The following ASAP2 variants were observed in gnomAD, a reference collection of about 807,000 sequenced individuals.
ASAP2 encodes the protein arf-GAP with SH3 domain, ANK repeat and PH domain-containing protein 2.
Under a neutral mutation model 131.4 loss-of-function variants are expected in ASAP2, and 45 were observed. The ratio of observed to expected loss-of-function variants is 0.34; its 90% CI spans 0.27 to 0.44. The LOEUF is 0.44. Among genes scored for constraint, ASAP2 ranks in the 20% least tolerant of loss-of-function variants. The pLI, the probability that ASAP2 is intolerant of heterozygous loss-of-function variation, is 1.00. For synonymous variants in ASAP2, 510 were observed against 503.0 expected, an observed-to-expected ratio of 1.01 and a Z score of -0.19; for missense variants, 1,011 against 1,297.0, an observed-to-expected ratio of 0.78 and a Z score of 3.39.
At chr2:9,352,229 A>G (rs1209852158) in intron 12 of ASAP2, among the ~76,000 whole-genome samples, 1 of 151,092 alleles carries the variant, frequency 6.6e-6, no homozygotes, top group African/African-American at 2.4e-5. Flanking sequence ...ACACACACAC[A>G]CACACACACA....
chr2:9,334,426 C>T (rs937266554), intron 7 of ASAP2, among the ~76,000 whole-genome samples: 19 of 152,218 alleles, frequency 1.2e-4, no homozygotes, highest in African/African-American at 4.3e-4. Flanking sequence ...TCCACTTGCG[C>T]CCCATGGCCT....
At chr2:9,263,599 C>T (rs935140239) in intron 1 of ASAP2, among the ~76,000 whole-genome samples, 1 of 152,212 alleles carries the variant, frequency 6.6e-6, no homozygotes, top group African/African-American at 2.4e-5. Context: ...CCCATGAAAG[C>T]CATGGGGCGC....
rs1241983991 is a variant in ASAP2, at chr2:9,389,161, C to T, written c.2383+615C>T. On this transcript the variant is annotated intron_variant, in intron 22 of 27. Coordinates refer to ENST00000281419, the MANE Select transcript of ASAP2 (RefSeq NM_003887.3). The surrounding 1 kb of genome is among the most constrained non-coding windows in gnomAD (Gnocchi z 4.7). ...TTTTAGAAATACGCAAACCAAAGCT[C>T]TCAGAAGTTAAGTAATTTGTTCATT... Among the ~76,000 whole-genome samples, 4 of 152,342 alleles carry T rather than the reference C, an allele frequency of 2.6e-5. No homozygotes were observed. In the East Asian group the frequency reaches 7.7e-4, roughly 29 times the overall value.
intron 1 of ASAP2, among the ~76,000 whole-genome samples, chr2:9,250,444 T>C (rs965343797): frequency 5.9e-5 from 9 of 152,188 alleles, no homozygotes; most frequent in Admixed American, 2.6e-4. Flanking sequence ...GGATGCAGGA[T>C]GCCAGACATG....
At chr2:9,297,164 G>C (rs1221610643) in intron 2 of ASAP2, 136 bp from the exon 3 acceptor site, 23 of 1,104,110 alleles carry the variant, frequency 2.1e-5, no homozygotes, top group Non-Finnish European at 2.7e-5. Context: ...AGCTATTTCT[G>C]TTCCTGGTGC....
intron 3 of ASAP2, among the ~76,000 whole-genome samples, chr2:9,317,561 CA>C (rs1669838383): frequency 8.0e-6 from 1 of 125,200 alleles, no homozygotes; most frequent in Non-Finnish European, 1.8e-5. Flanking sequence ...TCCACAATCA[CA>C]CTCTCACACA....
intron 3 of ASAP2, among the ~76,000 whole-genome samples, chr2:9,300,450 C>T (rs1401933083): frequency 6.6e-6 from 1 of 152,252 alleles, no homozygotes; most frequent in Non-Finnish European, 1.5e-5. Context: ...CTGCATGTTA[C>T]AGCTGGTACA....
chr2:9,279,942 C>G (rs1667022408), intron 2 of ASAP2, among the ~76,000 whole-genome samples: 1 of 151,724 alleles, frequency 6.6e-6, no homozygotes, highest in South Asian at 2.1e-4. Flanking sequence ...AAGTAGGTCA[C>G]CTGTAGCATA....
rs753272511 is a variant in ASAP2 at position 9,217,433 on chromosome 2, C to T, written c.126+10203C>T. Among the ~76,000 whole-genome samples the T allele has an allele frequency of 5.3e-5, 8 of 152,160 alleles. No homozygotes were observed. The highest frequency in any genetic ancestry group is 1.0e-4 in the Non-Finnish European group (7 of 68,038). ...CTGCTAACAGTGTTAATAACGATGT[C>T]ATTTTTCCACTCCATGCTGAAGATG... On this transcript the variant is annotated intron_variant, in intron 1 of 27. Transcript: ENST00000281419. The surrounding 1 kb of genome is among the most constrained non-coding windows in gnomAD (Gnocchi z 4.0).
chr2:9,370,405 C>T (rs10929578), intron 16 of ASAP2, among the ~76,000 whole-genome samples: 4,268 of 152,224 alleles, frequency 0.028, 190 homozygotes, highest in African/African-American at 0.098. Flanking sequence ...AATTGGATAA[C>T]GTGTGGTTTT....
chr2:9,261,710 G>C (rs1665584246), intron 1 of ASAP2, among the ~76,000 whole-genome samples: 1 of 152,206 alleles, frequency 6.6e-6, no homozygotes. Context: ...TAGGAGGGAG[G>C]GGGCAGAGTT....
chr2:9,386,700 G>A (rs1449128778), intron 21 of ASAP2, among the ~76,000 whole-genome samples: 1 of 152,190 alleles, frequency 6.6e-6, no homozygotes, highest in African/African-American at 2.4e-5. Flanking sequence ...GTGAGGGAGA[G>A]GCAGGGCTGC....
At chr2:9,298,046 T>C (rs1668258253) in intron 3 of ASAP2, among the ~76,000 whole-genome samples, 1 of 152,134 alleles carries the variant, frequency 6.6e-6, no homozygotes, top group Admixed American at 6.5e-5. Flanking sequence ...TGTGCTATCC[T>C]CGTGATGGGG....
intron 18 of ASAP2, among the ~76,000 whole-genome samples, chr2:9,378,423 C>G (rs1674566719): frequency 6.6e-6 from 1 of 152,210 alleles, no homozygotes; most frequent in Admixed American, 6.5e-5. Context: ...GGCCGAGGAG[C>G]CTGGGGACTC....
intron 20 of ASAP2, among the ~76,000 whole-genome samples, chr2:9,384,645 G>T (rs374243385): frequency 1.3e-5 from 2 of 152,226 alleles, no homozygotes; most frequent in African/African-American, 4.8e-5. Flanking sequence ...TATTATAAAG[G>T]ATATTGCAAA....
intron 7 of ASAP2, among the ~76,000 whole-genome samples, chr2:9,329,388 G>C (rs1670684972): frequency 6.6e-6 from 1 of 152,210 alleles, no homozygotes; most frequent in African/African-American, 2.4e-5. Context: ...TGGTGATGCA[G>C]TAAGGAGGAA....
At chr2:9,356,584 G>C (rs997255275) in intron 14 of ASAP2, among the ~76,000 whole-genome samples, 1 of 152,340 alleles carries the variant, frequency 6.6e-6, no homozygotes, top group South Asian at 2.1e-4. Context: ...GGGTTTGACA[G>C]AGCTGCAAAG....
Position 9,301,820 on chromosome 2 carries a change from C to CTTTT in ASAP2, c.345+4393_345+4396dup, listed in dbSNP as rs1177064910. On this transcript the variant is annotated intron_variant, in intron 3 of 27. Coordinates refer to ENST00000281419, the MANE Select transcript of ASAP2 (RefSeq NM_003887.3). ...ACCAAGCAACGTGTGTATCCATCAT[C>CTTTT]TTTTTTTTTTTTTTTTTTTTTGAGA... is the stretch of plus-strand genomic sequence containing the variant. Among the ~76,000 whole-genome samples the CTTTT allele has an allele frequency of 2.3e-3, 260 of 115,338 alleles. 3 individuals carry two copies. The highest frequency in any genetic ancestry group is 3.4e-3 in the Non-Finnish European group (200 of 58,664). 75.7% of individuals were successfully genotyped at this position (115,338 alleles called of 152,430 possible). A position where few individuals can be genotyped will look rare whatever the true frequency, so the allele number is the denominator to read the frequency against.
chr2:9,232,794 C>G lies in ASAP2; in HGVS notation c.126+25564C>G, dbSNP rs941432665. 3.9e-5 allele frequency among the ~76,000 whole-genome samples: 6 copies of G among 152,288 alleles called. No individual in the cohort carries two copies. The highest frequency in any genetic ancestry group is 8.8e-5 in the Non-Finnish European group (6 of 68,022). ...ATTGGTTCATAGAAAGCTTGTTTCT[C>G]TGGCCATGGGGACTTGATTCTTAGA... On this transcript the variant is annotated intron_variant, in intron 1 of 27. Coordinates refer to ENST00000281419, the MANE Select transcript of ASAP2 (RefSeq NM_003887.3). This position sits in a 1 kb window ranked among gnomAD's most constrained non-coding sequence, Gnocchi z 4.1.
Sources: allele counts gnomAD v4.1 joint callset (sites outside exome capture counted in the v4.1 genomes callset), GRCh38; gene constraint gnomAD v4.1.1; non-coding constraint Gnocchi (gnomAD v3.1); transcripts MANE v1.5; gene names NCBI Gene and HGNC (gene_info 2026-07-23, HGNC 2026-07-21).